Variants in KCNB2 observed in about 807,000 individuals in gnomAD.
The protein encoded by KCNB2 is potassium voltage-gated channel subfamily B member 2, also known as delayed rectifier potassium channel protein.
In KCNB2, 15 loss-of-function variants were observed where a neutral mutation model predicts 61.5. The observed-to-expected ratio is 0.24, with a 90% CI of 0.16 to 0.38. KCNB2 has a LOEUF of 0.38. Ranked by LOEUF, KCNB2 falls within the 10% of genes least tolerant of loss-of-function variation. The pLI, the probability that KCNB2 is intolerant of heterozygous loss-of-function variation, is 1.00. For missense variants in KCNB2, 828 were observed against 1,125.2 expected, an observed-to-expected ratio of 0.74 and a Z score of 3.78; for synonymous variants, 457 against 446.0, an observed-to-expected ratio of 1.02 and a Z score of -0.31.
intron 2 of KCNB2, among the ~76,000 whole-genome samples, chr8:72,602,239 A>T (rs1364047500): frequency 6.6e-6 from 1 of 152,186 alleles, no homozygotes; most frequent in Admixed American, 6.5e-5. Context: ...GAACATCAGA[A>T]TCAGTCACTG....
intron 2 of KCNB2, among the ~76,000 whole-genome samples, chr8:72,699,810 C>T (rs980492528): frequency 6.6e-6 from 1 of 151,882 alleles, no homozygotes; most frequent in Admixed American, 6.6e-5. Flanking sequence ...ACCTAGAACC[C>T]GAAATACCAT....
At chr8:72,847,489 G>C (rs1025546441) in intron 2 of KCNB2, among the ~76,000 whole-genome samples, 2 of 152,174 alleles carry the variant, frequency 1.3e-5, no homozygotes, top group African/African-American at 4.8e-5. Flanking sequence ...TACTTTAGCT[G>C]TTTGGTTTCC....
At chr8:72,824,759 A>G (rs140225043) in intron 2 of KCNB2, among the ~76,000 whole-genome samples, 78 of 152,242 alleles carry the variant, frequency 5.1e-4, no homozygotes, top group Non-Finnish European at 8.4e-4. Context: ...TAGACCTGCA[A>G]TGAAGGAGGG....
intron 2 of KCNB2, among the ~76,000 whole-genome samples, chr8:72,693,773 G>A (rs980104344): frequency 6.6e-6 from 1 of 152,188 alleles, no homozygotes; most frequent in Non-Finnish European, 1.5e-5. Flanking sequence ...GAAAGAACCA[G>A]GGATGGGAGA....
At chr8:72,649,833 T>C (rs780192269) in intron 2 of KCNB2, among the ~76,000 whole-genome samples, 16 of 152,140 alleles carry the variant, frequency 1.1e-4, no homozygotes, top group Admixed American at 2.6e-4. Flanking sequence ...TGATTAATAA[T>C]AGAACCACCT....
At chr8:72,857,794 C>G (rs1222212168) in intron 2 of KCNB2, among the ~76,000 whole-genome samples, 2 of 152,198 alleles carry the variant, frequency 1.3e-5, no homozygotes, top group African/African-American at 2.4e-5. Context: ...CTATTATTTT[C>G]AGGCTCTGTG....
At chr8:72,793,934 G>A (rs746962588) in intron 2 of KCNB2, among the ~76,000 whole-genome samples, 9 of 152,182 alleles carry the variant, frequency 5.9e-5, no homozygotes, top group Non-Finnish European at 1.0e-4. Context: ...TGTGCAGAAA[G>A]GACTGAGCCA....
chr8:72,718,556 T>C (rs1306907271), intron 2 of KCNB2, among the ~76,000 whole-genome samples: 1 of 150,804 alleles, frequency 6.6e-6, no homozygotes, highest in East Asian at 1.9e-4. Flanking sequence ...CAGCAAACTT[T>C]CGCAAGGACA....
intron 2 of KCNB2, among the ~76,000 whole-genome samples, chr8:72,762,866 G>A (rs1222175626): frequency 7.4e-6 from 1 of 134,664 alleles, no homozygotes; most frequent in Non-Finnish European, 1.5e-5. Flanking sequence ...AAAGCAAAAA[G>A]TAAATCATAT....
chr8:72,558,664 G>A (rs1031102820), intron 1 of KCNB2, among the ~76,000 whole-genome samples: 1 of 152,116 alleles, frequency 6.6e-6, no homozygotes, highest in Non-Finnish European at 1.5e-5. Context: ...TTTATTGCAC[G>A]TCACTTGGGG....
At chr8:72,676,701 A>G (rs1382620015) in intron 2 of KCNB2, among the ~76,000 whole-genome samples, 1 of 152,134 alleles carries the variant, frequency 6.6e-6, no homozygotes, top group Non-Finnish European at 1.5e-5. Context: ...ACTAGCCAGT[A>G]TTCAGCAGAG....
Position 72,937,814 on chromosome 8 carries a change from G to A in KCNB2, c.2459G>A (p.Gly820Glu), listed in dbSNP as rs1272340113. ...GDDEDFLELP[G>E]AREEKQVDSS... ...GACGAAGACTTCTTAGAGCTCCCAGGGGCAAGGGAGGAGAAGCAGGTGGAC... is the reference window on the plus strand; with the variant it reads ...GACGAAGACTTCTTAGAGCTCCCAGAGGCAAGGGAGGAGAAGCAGGTGGAC... Residue 820 changes from glycine to glutamate, a missense_variant, in exon 3 of 3, where the codon GGG (glycine) becomes GAG (glutamate). Around this residue, in one of 4 missense-constraint regions of KCNB2, gnomAD observed 559 missense variants for 588.4 expected, o/e 0.95. Transcript: ENST00000523207. The A allele has an allele frequency of 6.2e-7, 1 of 1,613,838 alleles. No individual in the cohort carries two copies. The highest frequency in any genetic ancestry group is 8.5e-7 in the Non-Finnish European group (1 of 1,180,012).
intron 2 of KCNB2, among the ~76,000 whole-genome samples, chr8:72,623,467 ATCTGCAGTT>A (rs1489277587): frequency 2.0e-5 from 3 of 152,200 alleles, no homozygotes; most frequent in Non-Finnish European, 4.4e-5. Context: ...AAAGGCTGTG[ATCTGCAGTT>A]TCTGGTTTGT....
At chr8:72,677,659 T>C (rs1318306622) in intron 2 of KCNB2, among the ~76,000 whole-genome samples, 1 of 152,230 alleles carries the variant, frequency 6.6e-6, no homozygotes, top group Non-Finnish European at 1.5e-5. Context: ...AGCATTTGTT[T>C]GGCTACCAGG....
chr8:72,710,053 G>A (rs1297048758), intron 2 of KCNB2, among the ~76,000 whole-genome samples: 1 of 152,142 alleles, frequency 6.6e-6, no homozygotes, highest in Non-Finnish European at 1.5e-5. Context: ...GCACTTCCCA[G>A]TCCGGGGAGC....
At chr8:72,565,678 A>C (rs1030795270) in intron 1 of KCNB2, among the ~76,000 whole-genome samples, 2 of 151,268 alleles carry the variant, frequency 1.3e-5, no homozygotes, top group Non-Finnish European at 3.0e-5. Context: ...CACACACACA[A>C]CACACACACA....
intron 2 of KCNB2, among the ~76,000 whole-genome samples, chr8:72,601,139 T>C (rs1395221693): frequency 6.6e-6 from 1 of 152,204 alleles, no homozygotes; most frequent in East Asian, 1.9e-4. Flanking sequence ...AGTTGGCAAA[T>C]TAAGAGCATT....
chr8:72,919,822 A>G (rs182120081), intron 2 of KCNB2, among the ~76,000 whole-genome samples: 2 of 152,368 alleles, frequency 1.3e-5, no homozygotes, highest in East Asian at 1.9e-4. Context: ...CTAAATATCA[A>G]TGGTGGTTAA....
At chr8:72,620,337 G>A (rs1213260447) in intron 2 of KCNB2, among the ~76,000 whole-genome samples, 1 of 152,212 alleles carries the variant, frequency 6.6e-6, no homozygotes, top group African/African-American at 2.4e-5. Context: ...AAAAGAAGAG[G>A]CCGTTTTATA....
Sources: allele counts gnomAD v4.1 joint callset (sites outside exome capture counted in the v4.1 genomes callset), GRCh38; gene constraint gnomAD v4.1.1; regional missense constraint gnomAD v4.1.1; transcripts MANE v1.5; gene names NCBI Gene and HGNC (gene_info 2026-07-23, HGNC 2026-07-21).